OR7D4: variants seen among roughly 807,000 people sequenced by gnomAD.
The protein encoded by OR7D4 is olfactory receptor family 7 subfamily D member 4.
For synonymous variants in OR7D4, 154 were observed against 158.4 expected (o/e 0.97, Z 0.21); for missense variants, 319 against 377.1 (o/e 0.85, Z 1.27).
chr19:9,211,254 T>G lies in OR7D4; in HGVS notation c.*2645A>C, dbSNP rs1049112464. The G allele has an allele frequency of 6.6e-6, 1 of 152,250 alleles. No individual in the cohort carries two copies. Among genetic ancestry groups the G allele is most frequent in the Non-Finnish European group, 1.5e-5 (1 of 68,078 alleles). 9.4% of individuals were successfully genotyped at this position (152,250 alleles called of 1,614,324 possible). On this transcript the variant is annotated 3_prime_UTR_variant, in exon 2 of 2. Coordinates refer to ENST00000641669, the MANE Select transcript of OR7D4 (RefSeq NM_001005191.3). ...CCTACAAACAGCCATGTGAGTGAGC[T>G]TCACAGCAGATCCTCTCCAGTCAGT...
rs1244326940 is a variant in OR7D4 at position 9,213,216 on chromosome 19, A to G, written c.*683T>C. 1 of 152,228 alleles carries G rather than the reference A, an allele frequency of 6.6e-6. No individual in the cohort carries two copies. Among genetic ancestry groups the G allele is most frequent in the African/African-American group, 2.4e-5 (1 of 41,450 alleles). 9.4% of individuals were successfully genotyped at this position (152,228 alleles called of 1,614,324 possible). On this transcript the variant is annotated 3_prime_UTR_variant, in exon 2 of 2. Coordinates refer to ENST00000641669, the MANE Select transcript of OR7D4 (RefSeq NM_001005191.3). ...AAGGTGAGGAACATCAACATTCAAC[A>G]GGATAATTTTTGAGGAAACCAGGTC... is the stretch of plus-strand genomic sequence containing the variant.
In OR7D4 at chr19:9,214,585, T is replaced by C; in HGVS notation, c.253A>G (p.Ile85Val). 1 of 1,614,162 alleles carries C rather than the reference T, an allele frequency of 6.2e-7. No individual in the cohort carries two copies. The highest frequency in any genetic ancestry group is 8.5e-7 in the Non-Finnish European group (1 of 1,180,008). Reference protein sequence around the residue: ...STTVPKMLVSIQARSKDISYM... With the variant: ...STTVPKMLVSVQARSKDISYM... ...GAGATGTCTTTGCTCCGTGCCTGGA[T>C]GCTCACTAGCATCTTGGGGACTGTG... The change falls in exon 2 of 2, where the codon ATC becomes GTC. Residue 85 changes from isoleucine (I) to valine (V), a missense_variant. Ile to Val is a conservative substitution (Grantham distance 29). Transcript: ENST00000641669.
Position 9,212,844 on chromosome 19 carries a change from C to G in OR7D4, c.*1055G>C, listed in dbSNP as rs1362221745. Reference sequence around the variant, plus strand: ...CACAGCTCACTACAGCCTCAAACTCCTAGGCTCCAGTGATTCTCCTGCCTC... The same window carrying G: ...CACAGCTCACTACAGCCTCAAACTCGTAGGCTCCAGTGATTCTCCTGCCTC... On this transcript the variant is annotated 3_prime_UTR_variant, in exon 2 of 2. Transcript: ENST00000641669. 2 of 151,976 alleles carry G rather than the reference C, an allele frequency of 1.3e-5. No homozygotes were observed. The highest frequency in any genetic ancestry group is 4.9e-5 in the African/African-American group (2 of 41,208). The allele number at this position is 151,976 out of a possible 1,614,324, so 9.4% of individuals were successfully genotyped here.
rs540655889 is a variant in OR7D4 at position 9,219,573 on chromosome 19, A to G, written c.-387T>C. 6.6e-6 allele frequency: 1 copy of G among 152,228 alleles called. No homozygotes were observed. The highest frequency in any genetic ancestry group is 1.9e-4 in the East Asian group (1 of 5,184). The allele number at this position is 152,228 out of a possible 1,614,324, so 9.4% of individuals were successfully genotyped here. On this transcript the variant is annotated 5_prime_UTR_variant, in exon 1 of 2. Transcript: ENST00000641669. Reference sequence around the variant, plus strand: ...TCACTGAAGTTTTCTCTTCTACACGATCTGTTCCTAGGAAGCCGTACTGGG... The same window carrying G: ...TCACTGAAGTTTTCTCTTCTACACGGTCTGTTCCTAGGAAGCCGTACTGGG...
chr19:9,217,251 G>T (rs1237101536), intron 1 of OR7D4, among the ~76,000 whole-genome samples: 1 of 151,992 alleles, frequency 6.6e-6, no homozygotes, highest in Non-Finnish European at 1.5e-5. Context: ...CTAATATCAG[G>T]GCAATGAATT....
At position 9,213,596 on chromosome 19, in the gene OR7D4, G is replaced by C. The variant is rs1433253069; in HGVS notation, c.*303C>G. On this transcript the variant is annotated 3_prime_UTR_variant, in exon 2 of 2. Transcript: ENST00000641669. ...CTACTAAAAATACAAAAATTAGCTG[G>C]CTGTGGTGGCACACACCTGTAATCT... 1 of 309,460 alleles carries C rather than the reference G, an allele frequency of 3.2e-6. No homozygotes were observed. Among genetic ancestry groups the C allele is most frequent in the African/African-American group, 2.2e-5 (1 of 46,156 alleles). 19.2% of individuals were successfully genotyped at this position (309,460 alleles called of 1,614,324 possible).
chr19:9,215,154 C>A (rs1339773951), intron 1 of OR7D4, among the ~76,000 whole-genome samples: 1 of 152,010 alleles, frequency 6.6e-6, no homozygotes, highest in Non-Finnish European at 1.5e-5. Flanking sequence ...ACCATCCTGG[C>A]CAATATGGTG....
At chr19:9,218,870 G>A (rs1217671554) in intron 1 of OR7D4, among the ~76,000 whole-genome samples, 1 of 152,122 alleles carries the variant, frequency 6.6e-6, no homozygotes, top group Non-Finnish European at 1.5e-5. Flanking sequence ...CTGGCCTCAA[G>A]TGATCTGCCC....
At position 9,214,139 on chromosome 19, in the gene OR7D4, G is replaced by A; in HGVS notation, c.699C>T (p.Gly233=). 2 of 1,614,086 alleles carry A rather than the reference G, an allele frequency of 1.2e-6. No individual in the cohort carries two copies. Among genetic ancestry groups the A allele is most frequent in the Non-Finnish European group, 1.7e-6 (2 of 1,179,932 alleles). The change falls in exon 2 of 2, where the codon GGC becomes GGT. Residue 233 remains glycine (G), a synonymous_variant. Coordinates refer to ENST00000641669, the MANE Select transcript of OR7D4 (RefSeq NM_001005191.3). The part of the protein sequence containing the change: ...SSLMGMSSTK[G]KYKAFSTCGS... ...CACAGGTGGAAAAGGCTTTGTACTT[G>A]CCCTTGGTGGAGGACATTCCCATTA...
Position 9,211,456 on chromosome 19 carries a change from A to G in OR7D4, c.*2443T>C, listed in dbSNP as rs1032696735. 1 of 152,252 alleles carries G rather than the reference A, an allele frequency of 6.6e-6. No homozygotes were observed. The highest frequency in any genetic ancestry group is 1.5e-5 in the Non-Finnish European group (1 of 68,044). The allele number at this position is 152,252 out of a possible 1,614,324, so 9.4% of individuals were successfully genotyped here. ...GGGTCTTATCCAACTTAGCAAAAAC[A>G]TAAATTACCAATGCATAAAATCTCA... On this transcript the variant is annotated 3_prime_UTR_variant, in exon 2 of 2. Coordinates refer to ENST00000641669, the MANE Select transcript of OR7D4 (RefSeq NM_001005191.3).
chr19:9,218,014 G>A (rs571923026), intron 1 of OR7D4, among the ~76,000 whole-genome samples: 1 of 152,290 alleles, frequency 6.6e-6, no homozygotes, highest in East Asian at 1.9e-4. Flanking sequence ...ACTAGAAATA[G>A]AACATCCTAT....
In OR7D4 at chr19:9,214,475, G is replaced by A; in HGVS notation, c.363C>T (p.Asp121=). ...DTFLLAVMAY[D]RFVAICHPLH... ...GTGGGTGGCAGATGGCCACAAACCG[G>A]TCATAGGCCATCACGGCCAGTAGGA... Residue 121 remains aspartate (D), a synonymous_variant, in exon 2 of 2, where the codon GAC becomes GAT. Coordinates refer to ENST00000641669, the MANE Select transcript of OR7D4 (RefSeq NM_001005191.3). 1 of 1,614,106 alleles carries A rather than the reference G, an allele frequency of 6.2e-7. No homozygotes were observed. The highest frequency in any genetic ancestry group is 8.5e-7 in the Non-Finnish European group (1 of 1,179,998).
chr19:9,214,848 T>C lies in OR7D4; in HGVS notation c.-11A>G. 2 of 1,563,926 alleles carry C rather than the reference T, an allele frequency of 1.3e-6. No homozygotes were observed. The highest frequency in any genetic ancestry group is 2.4e-5 in the South Asian group (2 of 84,740). ...GTTTTCTGCTTCCATGTAGCTGTTG[T>C]GTCTGCTGGGGAAGGAGGAAAAAGC... On this transcript the variant is annotated splice_region_variant and 5_prime_UTR_variant, in exon 2 of 2. Coordinates refer to ENST00000641669, the MANE Select transcript of OR7D4 (RefSeq NM_001005191.3).
At chr19:9,217,397 C>T (rs2051222830) in intron 1 of OR7D4, among the ~76,000 whole-genome samples, 1 of 152,100 alleles carries the variant, frequency 6.6e-6, no homozygotes, top group African/African-American at 2.4e-5. Context: ...AAGGTTGTTA[C>T]TATTTATGCC....
In OR7D4 at chr19:9,213,326, A is replaced by G. The variant is rs959439073; in HGVS notation, c.*573T>C. On this transcript the variant is annotated 3_prime_UTR_variant, in exon 2 of 2. Coordinates refer to ENST00000641669, the MANE Select transcript of OR7D4 (RefSeq NM_001005191.3). Reference sequence around the variant, plus strand: ...GAAAACTGATCAAAGATGGAACTTTATGGGAAACATCTAGGGAAGAAAAGT... The same window carrying G: ...GAAAACTGATCAAAGATGGAACTTTGTGGGAAACATCTAGGGAAGAAAAGT... The G allele has an allele frequency of 6.6e-6, 1 of 152,524 alleles. No homozygotes were observed. The highest frequency in any genetic ancestry group is 2.4e-5 in the African/African-American group (1 of 41,436). The allele number at this position is 152,524 out of a possible 1,614,324, so 9.4% of individuals were successfully genotyped here.
rs2051187145 is a variant in OR7D4, at chr19:9,213,693, G to A, written c.*206C>T. The A allele has an allele frequency of 3.7e-6, 2 of 543,374 alleles. No homozygotes were observed. The highest frequency in any genetic ancestry group is 6.6e-6 in the Non-Finnish European group (2 of 305,052). 33.7% of individuals were successfully genotyped at this position (543,374 alleles called of 1,614,324 possible). ...GTAGAGGTTGCAGTGAGCCAAGATT[G>A]CACCACTGCACTCTAGCCTGGGCGA... On this transcript the variant is annotated 3_prime_UTR_variant, in exon 2 of 2. Coordinates refer to ENST00000641669, the MANE Select transcript of OR7D4 (RefSeq NM_001005191.3).
Position 9,214,513 on chromosome 19 carries a change from C to T in OR7D4, c.325G>A (p.Gly109Arg). ...ACGGCCAGTAGGAAAGTATCCATTC[C>T]AGCAAACATCATTAAAAAATACACC... is the stretch of plus-strand genomic sequence containing the variant. ...TQVYFLMMFA[G>R]MDTFLLAVMA... Residue 109 changes from glycine to arginine, a missense_variant, in exon 2 of 2, where the codon GGA (glycine) becomes AGA (arginine). Gly to Arg is a moderately radical substitution (Grantham distance 125). Transcript: ENST00000641669. 6.2e-7 allele frequency: 1 copy of T among 1,614,110 alleles called. No individual in the cohort carries two copies. The highest frequency in any genetic ancestry group is 8.5e-7 in the Non-Finnish European group (1 of 1,180,020).
rs776804169 is a variant in OR7D4, at chr19:9,214,336, A to C, written c.502T>G (p.Phe168Val). Residue 168 changes from phenylalanine to valine, a missense_variant, in exon 2 of 2, where the codon TTC becomes GTC. Transcript: ENST00000641669. ...TGCGGAATCTCAGTGCCTGTGGAGA[A>C]GGTCAACCTCTTCATCAGTAGAATA... ...VHILLMKRLT[F>V]STGTEIPHFF... 1.2e-6 allele frequency: 2 copies of C among 1,614,156 alleles called. No homozygotes were observed. Among genetic ancestry groups the C allele is most frequent in the South Asian group, 2.2e-5 (2 of 91,078 alleles).
At position 9,214,066 on chromosome 19, in the gene OR7D4, C is replaced by T. The variant is rs956689541; in HGVS notation, c.772G>A (p.Val258Ile). Residue 258 changes from valine to isoleucine, a missense_variant, in exon 2 of 2, where the codon GTC (valine) becomes ATC (isoleucine). By Grantham distance (29) the Val-to-Ile change is conservative (BLOSUM62 3). Coordinates refer to ENST00000641669, the MANE Select transcript of OR7D4 (RefSeq NM_001005191.3). The stretch of plus-strand genomic sequence containing the variant: ...TGGGTCACAGCAGAACTCAGATAGA[C>T]CCCAAGTCCTGTTCCATAGAACAAG... ...VSLFYGTGLG[V>I]YLSSAVTHSS... The T allele has an allele frequency of 6.2e-7, 1 of 1,614,014 alleles. No individual in the cohort carries two copies. Among genetic ancestry groups the T allele is most frequent in the African/African-American group, 1.3e-5 (1 of 74,900 alleles).
Sources: allele counts gnomAD v4.1 joint callset (sites outside exome capture counted in the v4.1 genomes callset), GRCh38; gene constraint gnomAD v4.1.1; transcripts MANE v1.5; gene names NCBI Gene and HGNC (gene_info 2026-07-23, HGNC 2026-07-21).